Variants in MYO1E observed in about 807,000 individuals in gnomAD.
The protein encoded by MYO1E is myosin IE.
In MYO1E, 68 loss-of-function variants were observed where a neutral mutation model predicts 151.1. The ratio of observed to expected loss-of-function variants is 0.45; its 90% CI spans 0.37 to 0.55. The LOEUF (loss-of-function observed/expected upper bound fraction) is 0.55, where lower values mean the gene tolerates loss of function less well. Among genes scored for constraint, MYO1E ranks in the 20% least tolerant of loss-of-function variants. The pLI is 0.00. For missense variants in MYO1E, 1,363 were observed against 1,389.3 expected, an observed-to-expected ratio of 0.98 and a Z score of 0.30; for synonymous variants, 601 against 501.7, an observed-to-expected ratio of 1.20 and a Z score of -2.64.
At chr15:59,268,718 G>GTCTTTTTTTTTTTTT (rs1452818863) in intron 2 of MYO1E, among the ~76,000 whole-genome samples, 1 of 12,044 alleles carries the variant, frequency 8.3e-5, no homozygotes, top group Non-Finnish European at 4.1e-4. Flanking sequence ...GGTGACTTTG[G>GTCTTTTTTTTTTTTT]TATTTTTTTT....
At chr15:59,255,597 G>C (rs536379987) in intron 4 of MYO1E, among the ~76,000 whole-genome samples, 1 of 152,124 alleles carries the variant, frequency 6.6e-6, no homozygotes, top group African/African-American at 2.4e-5. Context: ...AAGCACTTAA[G>C]GCAGGAGTAT....
At chr15:59,316,195 C>G (rs2080587785) in intron 1 of MYO1E, among the ~76,000 whole-genome samples, 1 of 152,184 alleles carries the variant, frequency 6.6e-6, no homozygotes, top group Non-Finnish European at 1.5e-5. Flanking sequence ...TTTAGTGTAT[C>G]CAGGTTTATG....
chr15:59,138,462 C>T, intron 26 of MYO1E, 95 bp from the exon 27 acceptor site: 1 of 1,366,274 alleles, frequency 7.3e-7, no homozygotes, highest in South Asian at 1.2e-5. Flanking sequence ...CTGGCCTGTT[C>T]AAGTTCAAAT....
At chr15:59,365,786 C>G (rs1167054114) in intron 1 of MYO1E, among the ~76,000 whole-genome samples, 1 of 151,970 alleles carries the variant, frequency 6.6e-6, no homozygotes, top group Non-Finnish European at 1.5e-5. Context: ...ATACTTATTC[C>G]AGGAAAAAGG....
In MYO1E at chr15:59,289,217, CTG is replaced by C. The variant is rs2080405278; in HGVS notation, c.4-16770_4-16769del. 2.0e-5 allele frequency among the ~76,000 whole-genome samples: 3 copies of C among 152,290 alleles called. No homozygotes were observed. The South Asian group carries it at 6.2e-4, about 32-fold the overall frequency. On this transcript the variant is annotated intron_variant, in intron 1 of 27. Transcript: ENST00000288235. ...TGCTTCCAGTCCCTCCTGAGCAAAT[CTG>C]TACCAAAAGTTTTTTGTTTCTGGGA...
rs1034429146 is a variant in MYO1E at position 59,133,691 on chromosome 15, A to C, written c.*3689T>G. The C allele has an allele frequency of 7.9e-5, 12 of 152,220 alleles. No individual in the cohort carries two copies. The highest frequency in any genetic ancestry group is 3.9e-4 in the Admixed American group (6 of 15,270). 9.4% of individuals were successfully genotyped at this position (152,220 alleles called of 1,614,324 possible). On this transcript the variant is annotated 3_prime_UTR_variant, in exon 28 of 28. Coordinates refer to ENST00000288235, the MANE Select transcript of MYO1E (RefSeq NM_004998.4). ...TGATCACAAAAGTGAGGGGTGCCAGAAACACAGAGTTAAATTGTCTACCAA... is the reference window on the plus strand; with the variant it reads ...TGATCACAAAAGTGAGGGGTGCCAGCAACACAGAGTTAAATTGTCTACCAA...
intron 1 of MYO1E, among the ~76,000 whole-genome samples, chr15:59,273,230 G>A (rs1183190802): frequency 6.6e-6 from 1 of 152,184 alleles, no homozygotes; most frequent in Non-Finnish European, 1.5e-5. Flanking sequence ...CTTCACACCA[G>A]GGGCGGCCTC....
chr15:59,147,030 T>A (rs1297008274), intron 26 of MYO1E, among the ~76,000 whole-genome samples: 1 of 152,152 alleles, frequency 6.6e-6, no homozygotes, highest in Non-Finnish European at 1.5e-5. Flanking sequence ...CAGTTTGCTT[T>A]GTGAAAACTT....
Position 59,214,661 on chromosome 15 carries a change from G to A in MYO1E, c.1167C>T (p.Ile389=), listed in dbSNP as rs376456654. The A allele has an allele frequency of 1.5e-4, 250 of 1,613,304 alleles. No individual in the cohort carries two copies. The highest frequency in any genetic ancestry group is 2.1e-4 in the Non-Finnish European group (245 of 1,179,364). Residue 389 remains isoleucine (I), a synonymous_variant, in exon 11 of 28, where the codon ATC becomes ATT. Transcript: ENST00000288235. The part of the protein sequence containing the change: ...HEEYNIGVLD[I]YGFEIFQKNG... ...TTACCTGGAATATTTCAAAGCCATA[G>A]ATGTCTAGGACGCCAATGTTGTATT...
In MYO1E at chr15:59,137,053, G is replaced by A. The variant is rs903688159; in HGVS notation, c.*327C>T. 5.0e-6 allele frequency: 2 copies of A among 403,710 alleles called. No homozygotes were observed. The highest frequency in any genetic ancestry group is 9.4e-6 in the Non-Finnish European group (2 of 211,960). The allele number at this position is 403,710 out of a possible 1,614,324, so 25.0% of individuals were successfully genotyped here. On this transcript the variant is annotated 3_prime_UTR_variant, in exon 28 of 28. Transcript: ENST00000288235. ...TCTCTAGGCCTGGTGAGCAAGCAGG[G>A]TGCTGTTTTGATAGAAGCCTACAAG...
At chr15:59,213,551 T>C (rs2079894344) in intron 12 of MYO1E, among the ~76,000 whole-genome samples, 1 of 152,036 alleles carries the variant, frequency 6.6e-6, no homozygotes, top group East Asian at 1.9e-4. Flanking sequence ...CTCGACCTCC[T>C]GGGCTCAAGC....
chr15:59,345,200 C>G (rs542311445), intron 1 of MYO1E, among the ~76,000 whole-genome samples: 5 of 150,766 alleles, frequency 3.3e-5, no homozygotes, highest in African/African-American at 1.2e-4. Context: ...TAATGGTACA[C>G]AGAATGGCTA....
chr15:59,238,076 CG>C (rs2080077612), intron 4 of MYO1E, among the ~76,000 whole-genome samples: 1 of 152,126 alleles, frequency 6.6e-6, no homozygotes, highest in Non-Finnish European at 1.5e-5. Flanking sequence ...ACTGAAATTT[CG>C]TAAGCTACAG....
Position 59,214,708 on chromosome 15 carries a change from C to T in MYO1E, c.1120G>A (p.Ala374Thr). ...TATTCTTCATGGTCTTTCTCCATGGCTTTATTGATGGACTAGAGAAAGTAA... is the reference window on the plus strand; with the variant it reads ...TATTCTTCATGGTCTTTCTCCATGGTTTTATTGATGGACTAGAGAAAGTAA... The part of the protein sequence containing the change: ...FDFLVDSINK[A>T]MEKDHEEYNI... Residue 374 changes from alanine (A) to threonine (T), a missense_variant, in exon 11 of 28, where the codon GCC (alanine) becomes ACC (threonine). By Grantham distance (58) the Ala-to-Thr change is moderately conservative. Coordinates refer to ENST00000288235, the MANE Select transcript of MYO1E (RefSeq NM_004998.4). 1 of 1,613,106 alleles carries T rather than the reference C, an allele frequency of 6.2e-7. No individual in the cohort carries two copies. The highest frequency in any genetic ancestry group is 8.5e-7 in the Non-Finnish European group (1 of 1,179,102).
At position 59,148,944 on chromosome 15, in the gene MYO1E, A is replaced by T. The variant is rs537399740; in HGVS notation, c.3080+4646T>A. ...CTGGGTTTTAATGCTTCCAAGAATG[A>T]ACTGCAGGTAGATTAGGTACATTTC... On this transcript the variant is annotated intron_variant, in intron 26 of 27. Transcript: ENST00000288235. Among the ~76,000 whole-genome samples, 191 of 152,268 alleles carry T rather than the reference A, an allele frequency of 1.3e-3. 1 individual carries two copies. The highest frequency in any genetic ancestry group is 8.4e-4 in the Non-Finnish European group (57 of 68,010).
intron 1 of MYO1E, among the ~76,000 whole-genome samples, chr15:59,361,349 T>G (rs2080884356): frequency 6.6e-6 from 1 of 152,180 alleles, no homozygotes; most frequent in African/African-American, 2.4e-5. Flanking sequence ...CAAGAAAAGG[T>G]GGCTAAGCAG....
chr15:59,138,407 G>A (rs770318770), intron 26 of MYO1E, 40 bp from the exon 27 acceptor site: 1 of 1,609,298 alleles, frequency 6.2e-7, no homozygotes, highest in African/African-American at 1.3e-5. Context: ...GGCCCCAACA[G>A]GGGGCAGCAG....
In MYO1E at chr15:59,159,815, C is replaced by T. The variant is rs1204053246; in HGVS notation, c.2785+1258G>A. ...ATGTTAGAGAACATGTTAAGGTGTA[C>T]CTTTGCAGACAGATTTGAGAAATGG... On this transcript the variant is annotated intron_variant, in intron 24 of 27. Transcript: ENST00000288235. This position sits in a 1 kb window ranked among gnomAD's most constrained non-coding sequence, Gnocchi z 4.4. 5.9e-5 allele frequency among the ~76,000 whole-genome samples: 9 copies of T among 151,960 alleles called. No homozygotes were observed. The highest frequency in any genetic ancestry group is 1.5e-5 in the Non-Finnish European group (1 of 68,020).
chr15:59,232,953 C>T (rs1265174348), intron 5 of MYO1E, among the ~76,000 whole-genome samples: 2 of 152,048 alleles, frequency 1.3e-5, no homozygotes, highest in African/African-American at 2.4e-5. Context: ...AGCCATGGCA[C>T]CAAGGGCAAT....
Sources: gnomAD v4.1 joint callset for allele counts (sites outside exome capture counted in the v4.1 genomes callset) on GRCh38, gnomAD v4.1.1 for gene constraint, Gnocchi (gnomAD v3.1) non-coding constraint, MANE v1.5 for transcripts, NCBI Gene and HGNC (gene_info 2026-07-23, HGNC 2026-07-21) for gene names.